Variants in COL15A1 observed in about 807,000 individuals in gnomAD.
COL15A1 encodes the protein collagen alpha-1(XV) chain.
Under a neutral mutation model 165.9 loss-of-function variants are expected in COL15A1, and 111 were observed. That is an observed-to-expected ratio of 0.67 (90% CI 0.57 to 0.78). COL15A1 has a LOEUF of 0.78. COL15A1 is among the 30% of genes least tolerant of loss of function. The probability of loss-of-function intolerance (pLI) is 0.00; values close to 1 mark genes in which losing one functional copy is unlikely to be tolerated. For missense variants in COL15A1, 1,745 were observed against 1,789.7 expected, an observed-to-expected ratio of 0.98 and a Z score of 0.45; for synonymous variants, 659 against 674.8, an observed-to-expected ratio of 0.98 and a Z score of 0.36.
intron 16 of COL15A1, among the ~76,000 whole-genome samples, chr9:99,029,963 G>C (rs909927575): frequency 6.6e-6 from 1 of 151,530 alleles, no homozygotes; most frequent in African/African-American, 2.4e-5. Context: ...ATAGTCAATT[G>C]TAACAGAAAA....
chr9:99,041,512 G>A (rs921386587), intron 23 of COL15A1: 3 of 152,340 alleles, frequency 2.0e-5, no homozygotes, highest in Admixed American at 6.5e-5. Context: ...CTATGGGGGG[G>A]GTGGCATGAG....
intron 23 of COL15A1, among the ~76,000 whole-genome samples, chr9:99,041,607 C>T (rs1475307968): frequency 2.6e-5 from 4 of 152,088 alleles, no homozygotes; most frequent in Non-Finnish European, 4.4e-5. Flanking sequence ...ATGTTGATGC[C>T]TGGCTGGGAT....
Position 99,000,852 on chromosome 9 carries a change from C to G in COL15A1, c.966C>G (p.Ile322Met). 6.4e-7 allele frequency: 1 copy of G among 1,570,878 alleles called. No homozygotes were observed. The highest frequency in any genetic ancestry group is 2.2e-5 in the East Asian group (1 of 44,614). ...HSSPKQGSGE[I>M]LNDTLEGVHS... ...TGCTTCCTGTAGGGTCTGGTGAGAT[C>G]CTGAATGACACACTGGAGGGGGTTC... Residue 322 changes from isoleucine (I) to methionine (M), a missense_variant, in exon 7 of 42, where the codon ATC (isoleucine) becomes ATG (methionine). Coordinates refer to ENST00000375001, the MANE Select transcript of COL15A1 (RefSeq NM_001855.5).
rs775236685 is a variant in COL15A1 at position 99,036,325 on chromosome 9, A to T, written c.2338A>T (p.Met780Leu). 27 of 1,613,868 alleles carry T rather than the reference A, an allele frequency of 1.7e-5. No individual in the cohort carries two copies. Among genetic ancestry groups the T allele is most frequent in the Non-Finnish European group, 2.0e-5 (24 of 1,179,998 alleles). The change falls in exon 21 of 42, where the codon ATG becomes TTG. Residue 780 changes from methionine to leucine, a missense_variant. Met to Leu is a conservative substitution (Grantham distance 15). Transcript: ENST00000375001. ...CTGCTTTGACCAGGGAGAAAGGGGG[A>T]TGGATGGAGCCAGTATTGTGGGACC... ...GDRGPKGERG[M>L]DGASIVGPPG...
intron 16 of COL15A1, among the ~76,000 whole-genome samples, chr9:99,028,832 C>T (rs1255730062): frequency 6.6e-6 from 1 of 152,032 alleles, no homozygotes; most frequent in Non-Finnish European, 1.5e-5. Context: ...CCCCAAAAAA[C>T]GTATTGAAAT....
intron 35 of COL15A1, among the ~76,000 whole-genome samples, chr9:99,059,279 G>T (rs185395786): frequency 0.012 from 1,771 of 152,320 alleles, 25 homozygotes; most frequent in Non-Finnish European, 0.018. Flanking sequence ...AAAGCACTCA[G>T]TTCTCACCGC....
intron 40 of COL15A1, 79 bp from the exon 41 acceptor site, chr9:99,068,467 CAAAAAAAAA>C (rs34451429): frequency 8.8e-5 from 24 of 271,522 alleles, no homozygotes; most frequent in Non-Finnish European, 1.2e-4. Context: ...GAAACTGTGT[CAAAAAAAAA>C]AAAAAAAAAA....
At chr9:99,010,108 G>A (rs778526152) in intron 9 of COL15A1, among the ~76,000 whole-genome samples, 9 of 152,184 alleles carry the variant, frequency 5.9e-5, no homozygotes, top group East Asian at 1.9e-4. Context: ...TCTCACGAAC[G>A]CAGTTTATTT....
intron 7 of COL15A1, among the ~76,000 whole-genome samples, chr9:99,001,690 C>T (rs1214531149): frequency 1.3e-5 from 2 of 152,170 alleles, no homozygotes; most frequent in South Asian, 2.1e-4. Flanking sequence ...ACTTCTCTCT[C>T]CTCCTTATCC....
rs144256494 is a variant in COL15A1, at chr9:99,064,588, G to A, written c.3651+1479G>A. Among the ~76,000 whole-genome samples the A allele has an allele frequency of 4.9e-3, 746 of 152,228 alleles. 5 individuals carry two copies. Among genetic ancestry groups the A allele is most frequent in the African/African-American group, 0.014 (598 of 41,520 alleles). ...GTCAGAAGGGATTAGACTATGAGGA[G>A]CAAAACTGAAAAGGAACTGATGGGA... On this transcript the variant is annotated intron_variant, in intron 39 of 41. Transcript: ENST00000375001.
chr9:98,991,085 G>C (rs1838416453), intron 5 of COL15A1, among the ~76,000 whole-genome samples: 1 of 152,198 alleles, frequency 6.6e-6, no homozygotes, highest in African/African-American at 2.4e-5. Context: ...CCTCAGGAGT[G>C]AAGCTGCAGA....
intron 9 of COL15A1, 44 bp downstream of exon 9, chr9:99,005,094 C>A: frequency 3.3e-6 from 5 of 1,529,416 alleles, no homozygotes; most frequent in Non-Finnish European, 3.5e-6. Context: ...ATGGTGGGAG[C>A]AGCTCCTGAC....
chr9:99,038,673 G>C lies in COL15A1; in HGVS notation c.2415G>C (p.Leu805Phe), dbSNP rs139652646. The C allele has an allele frequency of 6.2e-7, 1 of 1,602,272 alleles. No homozygotes were observed. The highest frequency in any genetic ancestry group is 1.7e-5 in the Admixed American group (1 of 59,976). The stretch of plus-strand genomic sequence containing the variant: ...TCTGATTTTTCTCTTTTCAGTCCTT[G>C]ATCAATATCACCCATGGATTCATGA... ...PGHIKVLSNS[L>F]INITHGFMNF... The change falls in exon 22 of 42, where the codon TTG becomes TTC. Residue 805 changes from leucine to phenylalanine, a missense_variant. Leu to Phe is a conservative substitution (Grantham distance 22, BLOSUM62 0). Coordinates refer to ENST00000375001, the MANE Select transcript of COL15A1 (RefSeq NM_001855.5).
At chr9:99,025,020 C>G in intron 15 of COL15A1, 21 bp downstream of exon 15, 1 of 1,609,568 alleles carries the variant, frequency 6.2e-7, no homozygotes, top group Non-Finnish European at 8.5e-7. Flanking sequence ...GAAGTCTTCT[C>G]CCCATCTCTG....
chr9:99,025,336 T>C (rs1274874600), intron 15 of COL15A1, among the ~76,000 whole-genome samples: 8 of 152,210 alleles, frequency 5.3e-5, no homozygotes, highest in Non-Finnish European at 5.9e-5. Context: ...TGAGTACCCA[T>C]ACAGCCATTC....
chr9:98,964,230 G>A (rs1159621785), intron 2 of COL15A1, among the ~76,000 whole-genome samples: 1 of 125,912 alleles, frequency 7.9e-6, no homozygotes, highest in African/African-American at 3.1e-5. Context: ...TTGGTCTCTA[G>A]TTAGGAGGTG....
chr9:99,034,173 C>T (rs1024360172), intron 16 of COL15A1, among the ~76,000 whole-genome samples: 4 of 152,182 alleles, frequency 2.6e-5, no homozygotes, highest in Admixed American at 2.6e-4. Context: ...CCCCTTCCCT[C>T]GCTTTAGAGT....
At chr9:99,029,765 A>C (rs943018642) in intron 16 of COL15A1, among the ~76,000 whole-genome samples, 1 of 152,082 alleles carries the variant, frequency 6.6e-6, no homozygotes, top group African/African-American at 2.4e-5. Flanking sequence ...CTCTACTAAA[A>C]ATACAAAAAA....
At chr9:98,984,759 C>T (rs1838281994) in intron 2 of COL15A1, among the ~76,000 whole-genome samples, 1 of 152,140 alleles carries the variant, frequency 6.6e-6, no homozygotes, top group Admixed American at 6.5e-5. Flanking sequence ...AAACAATAGA[C>T]CTCATTCAAA....
Sources: allele counts gnomAD v4.1 joint callset (sites outside exome capture counted in the v4.1 genomes callset), GRCh38; gene constraint gnomAD v4.1.1; transcripts MANE v1.5; gene names NCBI Gene and HGNC (gene_info 2026-07-23, HGNC 2026-07-21).